PIK3C2G: variants seen among roughly 807,000 people sequenced by gnomAD.
PIK3C2G encodes the protein phosphatidylinositol-4-phosphate 3-kinase catalytic subunit type 2 gamma.
In PIK3C2G, 168 loss-of-function variants were observed where a neutral mutation model predicts 181.1. The ratio of observed to expected loss-of-function variants is 0.93; its 90% CI spans 0.82 to 1.05. The LOEUF is 1.05. PIK3C2G is among the 50% of genes least tolerant of loss of function. The pLI, the probability that PIK3C2G is intolerant of heterozygous loss-of-function variation, is 0.00. For missense variants in PIK3C2G, 1,869 were observed against 1,732.8 expected, an observed-to-expected ratio of 1.08 and a Z score of -1.40; for synonymous variants, 573 against 592.2, an observed-to-expected ratio of 0.97 and a Z score of 0.47.
chr12:18,610,107 C>T (rs1948257433), intron 31 of PIK3C2G, among the ~76,000 whole-genome samples: 1 of 151,974 alleles, frequency 6.6e-6, no homozygotes, highest in South Asian at 2.1e-4. Flanking sequence ...AAGGTTGGGG[C>T]AAGTCAGAGG....
intron 22 of PIK3C2G, among the ~76,000 whole-genome samples, chr12:18,501,319 G>A (rs1026938555): frequency 2.6e-5 from 4 of 152,192 alleles, no homozygotes; most frequent in Admixed American, 2.6e-4. Context: ...AGGAAAAAAA[G>A]GGGGAGAATG....
chr12:18,346,984 A>G (rs541714869), intron 11 of PIK3C2G, 148 bp downstream of exon 11: 3 of 431,988 alleles, frequency 6.9e-6, no homozygotes, highest in Non-Finnish European at 1.2e-5. Flanking sequence ...TCTTAAAATC[A>G]CATTTTAAAT....
intron 25 of PIK3C2G, among the ~76,000 whole-genome samples, chr12:18,543,557 G>T (rs769083890): frequency 7.2e-5 from 11 of 151,798 alleles, no homozygotes; most frequent in Admixed American, 3.3e-4. Flanking sequence ...ATCTTGAGTT[G>T]ATTTTTATAT....
intron 22 of PIK3C2G, among the ~76,000 whole-genome samples, chr12:18,500,491 G>C (rs1323114438): frequency 6.6e-6 from 1 of 152,176 alleles, no homozygotes; most frequent in African/African-American, 2.4e-5. Flanking sequence ...GCTCCACGGC[G>C]CCCAGTCCCA....
chr12:18,433,399 G>C (rs1035190445), intron 18 of PIK3C2G, among the ~76,000 whole-genome samples: 7 of 152,046 alleles, frequency 4.6e-5, no homozygotes, highest in African/African-American at 1.7e-4. Flanking sequence ...TGTAATCCTA[G>C]CTACTTGGGA....
chr12:18,664,717 T>C, the PIK3C2G span, among the ~76,000 whole-genome samples: 9 of 151,676 alleles, frequency 5.9e-5, no homozygotes, highest in African/African-American at 1.9e-4. Context: ...CGTATGTTTA[T>C]TGCGGCACTA....
chr12:18,338,875 A>C (rs1201749919), intron 9 of PIK3C2G, among the ~76,000 whole-genome samples: 1 of 152,068 alleles, frequency 6.6e-6, no homozygotes, highest in African/African-American at 2.4e-5. Flanking sequence ...ATCCTACCTA[A>C]ATGAACGTAA....
chr12:18,636,998 G>C (rs1949632381), intron 31 of PIK3C2G, among the ~76,000 whole-genome samples: 2 of 152,126 alleles, frequency 1.3e-5, no homozygotes, highest in Non-Finnish European at 2.9e-5. Context: ...AGGATGGTTT[G>C]AGAATCCACA....
At chr12:18,555,537 G>A (rs950421661) in intron 26 of PIK3C2G, among the ~76,000 whole-genome samples, 1 of 152,028 alleles carries the variant, frequency 6.6e-6, no homozygotes, top group Non-Finnish European at 1.5e-5. Flanking sequence ...TATTTAGTTT[G>A]TATAAAAAGT....
chr12:18,503,075 A>G (rs935402163), intron 22 of PIK3C2G, among the ~76,000 whole-genome samples: 2 of 152,158 alleles, frequency 1.3e-5, no homozygotes, highest in African/African-American at 2.4e-5. Flanking sequence ...GATTAATCCG[A>G]TCCAAACACA....
At chr12:18,601,527 A>G (rs973334688) in intron 30 of PIK3C2G, among the ~76,000 whole-genome samples, 1 of 152,108 alleles carries the variant, frequency 6.6e-6, no homozygotes, top group Admixed American at 6.5e-5. Context: ...TTACAGCTAG[A>G]TAGGTGGAAC....
chr12:18,576,181 A>G (rs1408738813), intron 29 of PIK3C2G, among the ~76,000 whole-genome samples: 1 of 152,248 alleles, frequency 6.6e-6, no homozygotes, highest in Non-Finnish European at 1.5e-5. Flanking sequence ...ATAAACATTC[A>G]TAGTACTTTT....
At chr12:18,677,292 T>A in the PIK3C2G span, among the ~76,000 whole-genome samples, 1 of 151,964 alleles carries the variant, frequency 6.6e-6, no homozygotes, top group Admixed American at 6.6e-5. Context: ...AGCAAGACAG[T>A]TTCTAGAAAG....
intron 24 of PIK3C2G, among the ~76,000 whole-genome samples, chr12:18,532,303 T>C (rs1289478034): frequency 6.6e-6 from 1 of 152,196 alleles, no homozygotes; most frequent in African/African-American, 2.4e-5. Flanking sequence ...GGCTATGTGT[T>C]GGCAAATATT....
intron 24 of PIK3C2G, among the ~76,000 whole-genome samples, chr12:18,522,140 G>T (rs1942961833): frequency 6.6e-6 from 1 of 152,178 alleles, no homozygotes; most frequent in Admixed American, 6.5e-5. Context: ...CACTGTTATG[G>T]TTCTTTTCAA....
intron 7 of PIK3C2G, 138 bp downstream of exon 7, chr12:18,321,170 T>C: frequency 5.3e-6 from 3 of 565,402 alleles, no homozygotes; most frequent in Non-Finnish European, 9.6e-6. Flanking sequence ...ACAGGCAAAT[T>C]CTGTTAATAA....
intron 18 of PIK3C2G, among the ~76,000 whole-genome samples, chr12:18,424,399 T>C (rs1355725226): frequency 6.6e-6 from 1 of 152,214 alleles, no homozygotes; most frequent in Non-Finnish European, 1.5e-5. Flanking sequence ...GAATATGTGG[T>C]ATAAAAATAC....
chr12:18,624,492 A>C (rs1287630792), intron 31 of PIK3C2G, among the ~76,000 whole-genome samples: 1 of 151,558 alleles, frequency 6.6e-6, no homozygotes, highest in Non-Finnish European at 1.5e-5. Context: ...ATTGGCCTGT[A>C]GTTTTCTTTT....
chr12:18,675,940 C>T, the PIK3C2G span, among the ~76,000 whole-genome samples: 2 of 151,870 alleles, frequency 1.3e-5, no homozygotes, highest in African/African-American at 4.8e-5. Context: ...ATGACAAGCA[C>T]ATTAGAAACT....
Sources: allele counts gnomAD v4.1 joint callset (sites outside exome capture counted in the v4.1 genomes callset), GRCh38; gene constraint gnomAD v4.1.1; transcripts MANE v1.5; gene names NCBI Gene and HGNC (gene_info 2026-07-23, HGNC 2026-07-21).